Variants in BMPR1A observed in about 807,000 individuals in gnomAD.
BMPR1A encodes the protein bone morphogenetic protein receptor type 1A, also known as bone morphogenetic protein receptor type-1A.
Under a neutral mutation model 66.0 loss-of-function variants are expected in BMPR1A, and 7 were observed. The observed-to-expected ratio is 0.11, with a 90% CI of 0.06 to 0.20. The LOEUF (loss-of-function observed/expected upper bound fraction) is 0.20. BMPR1A is among the 10% of genes least tolerant of loss of function. The pLI, the probability that BMPR1A is intolerant of heterozygous loss-of-function variation, is 1.00. For synonymous variants in BMPR1A, 200 were observed against 229.7 expected (o/e 0.87, Z 1.17); for missense variants, 408 against 669.1 (o/e 0.61, Z 4.31).
At chr10:86,798,791 C>T (rs1000699195) in intron 1 of BMPR1A, among the ~76,000 whole-genome samples, 1 of 152,170 alleles carries the variant, frequency 6.6e-6, no homozygotes, top group African/African-American at 2.4e-5. Flanking sequence ...TTGCACTTAC[C>T]ATAATTACTT....
intron 1 of BMPR1A, among the ~76,000 whole-genome samples, chr10:86,779,988 C>T (rs1176151356): frequency 6.6e-6 from 1 of 152,174 alleles, no homozygotes; most frequent in Non-Finnish European, 1.5e-5. Context: ...TCATTATAAC[C>T]TTGAACTCCT....
intron 1 of BMPR1A, among the ~76,000 whole-genome samples, chr10:86,805,560 C>T (rs1841878583): frequency 6.7e-6 from 1 of 149,986 alleles, no homozygotes; most frequent in Admixed American, 6.7e-5. Flanking sequence ...CTCCCCAGTT[C>T]AAGCAATTCT....
chr10:86,907,943 A>G (rs1843420500), intron 7 of BMPR1A, among the ~76,000 whole-genome samples: 1 of 152,226 alleles, frequency 6.6e-6, no homozygotes, highest in Non-Finnish European at 1.5e-5. Context: ...TTAGTAATTT[A>G]TTGTGTATTT....
chr10:86,861,327 T>C (rs1213889996), intron 2 of BMPR1A, among the ~76,000 whole-genome samples: 1 of 152,230 alleles, frequency 6.6e-6, no homozygotes, highest in South Asian at 2.1e-4. Context: ...TTCTTAAACC[T>C]ATGGGTTTGT....
chr10:86,814,929 G>A (rs1360594056), intron 1 of BMPR1A, among the ~76,000 whole-genome samples: 1 of 152,054 alleles, frequency 6.6e-6, no homozygotes, highest in African/African-American at 2.4e-5. Context: ...GGGACTATAG[G>A]TGCGCGCCAC....
intron 1 of BMPR1A, among the ~76,000 whole-genome samples, chr10:86,822,488 G>A (rs959077096): frequency 3.9e-5 from 6 of 152,138 alleles, no homozygotes; most frequent in African/African-American, 7.2e-5. Flanking sequence ...GGAAGAAAAC[G>A]TATGGCATTA....
At chr10:86,790,734 C>A (rs967125552) in intron 1 of BMPR1A, among the ~76,000 whole-genome samples, 1 of 151,928 alleles carries the variant, frequency 6.6e-6, no homozygotes, top group South Asian at 2.1e-4. Flanking sequence ...ATGAAAGGTC[C>A]GGAAAAGGTA....
intron 3 of BMPR1A, among the ~76,000 whole-genome samples, chr10:86,888,148 CTT>C (rs34024160): frequency 0.021 from 2,948 of 138,208 alleles, 87 homozygotes; most frequent in African/African-American, 0.07. Flanking sequence ...AAACTTCCAG[CTT>C]TTTTTTTTTT....
At chr10:86,921,369 T>C (rs996611090) in intron 10 of BMPR1A, 151 bp from the exon 11 acceptor site, 5 of 975,802 alleles carry the variant, frequency 5.1e-6, no homozygotes, top group Non-Finnish European at 6.2e-6. Context: ...GTATGTAGCA[T>C]GTATTTAAAG....
intron 1 of BMPR1A, among the ~76,000 whole-genome samples, chr10:86,761,757 T>C (rs1841061782): frequency 6.6e-6 from 1 of 152,154 alleles, no homozygotes; most frequent in Non-Finnish European, 1.5e-5. Flanking sequence ...CTAGCGTGGA[T>C]GAGAGAAGGA....
At chr10:86,764,101 G>C (rs1346587160) in intron 1 of BMPR1A, among the ~76,000 whole-genome samples, 2 of 152,138 alleles carry the variant, frequency 1.3e-5, no homozygotes, top group African/African-American at 4.8e-5. Context: ...GACTTGGATA[G>C]TTTTGATACT....
intron 2 of BMPR1A, among the ~76,000 whole-genome samples, chr10:86,842,412 G>A (rs1842436788): frequency 6.6e-6 from 1 of 152,188 alleles, no homozygotes; most frequent in South Asian, 2.1e-4. Flanking sequence ...TGGAGGCAGA[G>A]CTTGAAAGTG....
At position 86,927,308 on chromosome 10, in the gene BMPR1A, A is replaced by T. The variant is rs1168809012; in HGVS notation, c.*3589A>T. ...AGATGTTGTTTTGAAATGTTTCTAA[A>T]TATCTAAAATCATTTCAACAGCAGA... On this transcript the variant is annotated 3_prime_UTR_variant, in exon 13 of 13. Transcript: ENST00000372037. 5.2e-6 allele frequency: 1 copy of T among 192,596 alleles called. No individual in the cohort carries two copies. Among genetic ancestry groups the T allele is most frequent in the Non-Finnish European group, 1.1e-5 (1 of 92,128 alleles). The allele number at this position is 192,596 out of a possible 1,614,324, so 11.9% of individuals were successfully genotyped here.
rs1048293127 is a variant in BMPR1A, at chr10:86,866,399, C to CTTTTTTTTT, written c.-152-9449_-152-9441dup. On this transcript the variant is annotated intron_variant, in intron 2 of 12. Coordinates refer to ENST00000372037, the MANE Select transcript of BMPR1A (RefSeq NM_004329.3). Reference sequence around the variant, plus strand: ...TGTGTTAAGTTGGGCAAGTTTCTTTCTTTTTTTTTTTTTTTTTTTTTTTTT... The same window carrying CTTTTTTTTT: ...TGTGTTAAGTTGGGCAAGTTTCTTTCTTTTTTTTTTTTTTTTTTTTTTTTTTTTTTTTTT... 3.1e-3 allele frequency among the ~76,000 whole-genome samples: 212 copies of CTTTTTTTTT among 69,354 alleles called. 10 individuals are homozygous for CTTTTTTTTT. The highest frequency in any genetic ancestry group is 0.011 in the East Asian group (17 of 1,528). 45.5% of individuals were successfully genotyped at this position (69,354 alleles called of 152,430 possible). A position where few individuals can be genotyped will look rare whatever the true frequency, so the allele number is the denominator to read the frequency against.
chr10:86,785,265 G>A (rs765858538), intron 1 of BMPR1A, among the ~76,000 whole-genome samples: 2 of 152,144 alleles, frequency 1.3e-5, no homozygotes, highest in Non-Finnish European at 2.9e-5. Flanking sequence ...ATGTGTACTT[G>A]AGAAAATGTG....
At chr10:86,907,310 A>G (rs1053721918) in intron 7 of BMPR1A, among the ~76,000 whole-genome samples, 7 of 152,238 alleles carry the variant, frequency 4.6e-5, no homozygotes, top group Non-Finnish European at 4.4e-5. Flanking sequence ...CCCAATTAAA[A>G]TGGCCATTAT....
chr10:86,908,497 T>G (rs1183078415), intron 7 of BMPR1A, among the ~76,000 whole-genome samples: 1 of 152,190 alleles, frequency 6.6e-6, no homozygotes, highest in African/African-American at 2.4e-5. Flanking sequence ...GTGCCTTCAA[T>G]GCCTCACAAG....
intron 1 of BMPR1A, among the ~76,000 whole-genome samples, chr10:86,787,755 G>T (rs892292257): frequency 1.6e-4 from 24 of 152,150 alleles, no homozygotes; most frequent in African/African-American, 5.6e-4. Context: ...TTACAATCAT[G>T]GCAGAAGGGG....
intron 1 of BMPR1A, among the ~76,000 whole-genome samples, chr10:86,773,609 A>C (rs1266045435): frequency 6.6e-6 from 1 of 151,162 alleles, no homozygotes; most frequent in Non-Finnish European, 1.5e-5. Flanking sequence ...AAAAAAAAAA[A>C]AAAAAAAACA....
Sources: gnomAD v4.1 joint callset for allele counts (sites outside exome capture counted in the v4.1 genomes callset) on GRCh38, gnomAD v4.1.1 for gene constraint, MANE v1.5 for transcripts, NCBI Gene and HGNC (gene_info 2026-07-23, HGNC 2026-07-21) for gene names.